Variants in NRG1 observed in about 807,000 individuals in gnomAD.
The protein encoded by NRG1 is neuregulin 1.
NRG1 carries 18 observed loss-of-function variants against 63.8 expected under a neutral mutation model. That is an observed-to-expected ratio of 0.28 (90% CI 0.19 to 0.42). The LOEUF (loss-of-function observed/expected upper bound fraction) is 0.42, where lower values mean the gene tolerates loss of function less well. NRG1 is among the 10% of genes least tolerant of loss of function. The probability of loss-of-function intolerance (pLI) is 1.00; values close to 1 mark genes in which losing one functional copy is unlikely to be tolerated. For missense variants in NRG1, 762 were observed against 814.7 expected, an observed-to-expected ratio of 0.94 and a Z score of 0.79; for synonymous variants, 302 against 301.3, an observed-to-expected ratio of 1.00 and a Z score of -0.02.
intron 5 of NRG1, among the ~76,000 whole-genome samples, chr8:32,632,975 G>A (rs1056543210): frequency 1.3e-5 from 2 of 151,546 alleles, no homozygotes; most frequent in South Asian, 2.1e-4. Flanking sequence ...ATTAACCCAG[G>A]GTCTATAAGC....
chr8:32,771,594 C>A, downstream of NRG1, among the ~76,000 whole-genome samples: 1 of 149,696 alleles, frequency 6.7e-6, no homozygotes, highest in Non-Finnish European at 1.5e-5. Context: ...ATAATACTAC[C>A]TCCAAACATC....
intron 1 of NRG1, among the ~76,000 whole-genome samples, chr8:31,767,083 T>C (rs1477972884): frequency 6.6e-6 from 1 of 152,202 alleles, no homozygotes; most frequent in African/African-American, 2.4e-5. Flanking sequence ...TTTTTTTTCT[T>C]TCAAGGGCTT....
chr8:31,957,955 G>A (rs932979152), intron 1 of NRG1, among the ~76,000 whole-genome samples: 2 of 152,024 alleles, frequency 1.3e-5, no homozygotes, highest in Non-Finnish European at 2.9e-5. Context: ...TTAGTTGAAG[G>A]GAACTGCCTT....
chr8:32,766,702 T>C (rs1425475406), exon 12 of NRG1: 1 of 152,158 alleles, frequency 6.6e-6, no homozygotes, highest in Non-Finnish European at 1.5e-5. Context: ...CAAATATATA[T>C]GAAAATTGAA....
chr8:31,771,543 C>T (rs182548315), intron 1 of NRG1, among the ~76,000 whole-genome samples: 1 of 152,154 alleles, frequency 6.6e-6, no homozygotes, highest in East Asian at 1.9e-4. Flanking sequence ...TACCAGTTCT[C>T]CCAGGATTGC....
rs1399051682 is a variant in NRG1, at chr8:31,677,653, T to G, written c.37+38222T>G. ...ACTTCCAACAAATCCACAGTAAAAT[T>G]TAATGTATTGGATCATTTTCAGACT... On this transcript the variant is annotated intron_variant, in intron 1 of 10. Coordinates refer to the NRG1 transcript ENST00000519301. Among the ~76,000 whole-genome samples the G allele has an allele frequency of 3.3e-5, 5 of 152,244 alleles. No individual in the cohort carries two copies. In the East Asian group the frequency reaches 9.7e-4, roughly 29 times the overall value.
Position 32,558,504 on chromosome 8 carries a change from A to G in NRG1, c.100+9678A>G, listed in dbSNP as rs73678406. ...GCCCTGAGTGCACCAGTATAGGAAT[A>G]AAACTCTGTAAACAGAGGGTGGTGG... On this transcript the variant is annotated intron_variant, in intron 1 of 11. Coordinates refer to ENST00000356819, the Ensembl canonical transcript of NRG1. Among the ~76,000 whole-genome samples, 213 of 152,274 alleles carry G rather than the reference A, an allele frequency of 1.4e-3. 1 individual carries two copies. Among genetic ancestry groups the G allele is most frequent in the African/African-American group, 4.8e-3 (201 of 41,544 alleles).
intron 1 of NRG1, among the ~76,000 whole-genome samples, chr8:32,531,686 G>A (rs1235298275): frequency 6.6e-6 from 1 of 152,132 alleles, no homozygotes; most frequent in Non-Finnish European, 1.5e-5. Flanking sequence ...TTGTATGGGT[G>A]TCTTATGTAA....
At chr8:32,544,389 AT>A (rs749065067), upstream of NRG1, among the ~76,000 whole-genome samples, 26 of 152,124 alleles carry the variant, frequency 1.7e-4, no homozygotes, top group Non-Finnish European at 2.4e-4. Context: ...GTCATATTTA[AT>A]TTGTTTTTAT....
At chr8:32,172,493 GGAGTAT>G (rs1253215925) in intron 1 of NRG1, among the ~76,000 whole-genome samples, 96 of 152,312 alleles carry the variant, frequency 6.3e-4, no homozygotes, top group African/African-American at 2.2e-3. Flanking sequence ...AAAGCTGGAT[GGAGTAT>G]GACTTTGATG....
At chr8:32,728,325 A>G (rs1427406416) in intron 6 of NRG1, 8 of 983,238 alleles carry the variant, frequency 8.1e-6, no homozygotes, top group African/African-American at 3.5e-5. Context: ...GTTTTTTGCC[A>G]TGTTATTTAT....
intron 1 of NRG1, among the ~76,000 whole-genome samples, chr8:31,942,370 C>G (rs775751024): frequency 6.6e-6 from 1 of 151,942 alleles, no homozygotes; most frequent in Non-Finnish European, 1.5e-5. Flanking sequence ...ATCTCTTATC[C>G]TATGCAAAAA....
At chr8:32,519,583 A>T (rs948500324) in intron 1 of NRG1, among the ~76,000 whole-genome samples, 1 of 152,106 alleles carries the variant, frequency 6.6e-6, no homozygotes, top group Non-Finnish European at 1.5e-5. Context: ...CCCCTGGGAG[A>T]TCCTAAGATA....
At chr8:31,783,858 T>G (rs907744854) in intron 1 of NRG1, among the ~76,000 whole-genome samples, 6 of 152,194 alleles carry the variant, frequency 3.9e-5, no homozygotes, top group African/African-American at 1.4e-4. Flanking sequence ...AAAATATTAC[T>G]CATAATCATA....
Position 32,496,724 on chromosome 8 carries a change from A to G in NRG1, c.38-99104A>G, listed in dbSNP as rs567002084. On this transcript the variant is annotated intron_variant, in intron 1 of 10. Coordinates refer to the NRG1 transcript ENST00000519301. ...GTCTTTTTAAAATGACTGATTATAT[A>G]TATTAGGTCCCAATGGCTTCATTAT... is the stretch of plus-strand genomic sequence containing the variant. Among the ~76,000 whole-genome samples the G allele has an allele frequency of 1.4e-4, 22 of 152,306 alleles. 1 individual carries two copies. The South Asian group carries it at 4.6e-3, about 32-fold the overall frequency.
chr8:31,908,315 G>A (rs185604753), intron 1 of NRG1, among the ~76,000 whole-genome samples: 44 of 152,256 alleles, frequency 2.9e-4, no homozygotes, highest in African/African-American at 9.1e-4. Context: ...AGAAGTGTTG[G>A]TTTTTCTTTA....
chr8:32,573,227 T>G (rs543989762), intron 1 of NRG1, among the ~76,000 whole-genome samples: 1 of 152,358 alleles, frequency 6.6e-6, no homozygotes, highest in South Asian at 2.1e-4. Flanking sequence ...TATTGCTAGA[T>G]GAAATTCTAC....
chr8:32,015,565 T>A (rs1276883750), intron 1 of NRG1, among the ~76,000 whole-genome samples: 10 of 152,178 alleles, frequency 6.6e-5, no homozygotes, highest in African/African-American at 2.4e-4. Context: ...TACACTGGTG[T>A]GTATGTATAA....
chr8:32,579,362 A>G (rs1840252317), intron 1 of NRG1, among the ~76,000 whole-genome samples: 1 of 152,192 alleles, frequency 6.6e-6, no homozygotes, highest in Non-Finnish European at 1.5e-5. Context: ...AGAGCGTAAC[A>G]GCACTGGGAG....
Sources: gnomAD v4.1 joint callset for allele counts (sites outside exome capture counted in the v4.1 genomes callset) on GRCh38, gnomAD v4.1.1 for gene constraint, MANE v1.5 for transcripts, NCBI Gene and HGNC (gene_info 2026-07-23, HGNC 2026-07-21) for gene names.